The following OXSR1 variants were observed in gnomAD, a reference collection of about 807,000 sequenced individuals.
The protein encoded by OXSR1 is serine/threonine-protein kinase OSR1.
In OXSR1, 24 loss-of-function variants were observed where a neutral mutation model predicts 79.8. The ratio of observed to expected loss-of-function variants is 0.30; its 90% CI spans 0.22 to 0.42. The LOEUF (loss-of-function observed/expected upper bound fraction) is 0.42, where lower values mean the gene tolerates loss of function less well. OXSR1 is among the 10% of genes least tolerant of loss of function. The pLI, the probability that OXSR1 is intolerant of heterozygous loss-of-function variation, is 1.00. For synonymous variants in OXSR1, 226 were observed against 209.2 expected (o/e 1.08, Z -0.69); for missense variants, 430 against 618.4 (o/e 0.70, Z 3.23).
At chr3:38,226,205 A>C (rs1323377613) in intron 8 of OXSR1, among the ~76,000 whole-genome samples, 3 of 152,102 alleles carry the variant, frequency 2.0e-5, no homozygotes, top group Non-Finnish European at 4.4e-5. Flanking sequence ...ATAAGGTCAC[A>C]ATCCAAAATT....
chr3:38,240,081 A>G (rs775091658), intron 11 of OXSR1, among the ~76,000 whole-genome samples: 5 of 152,222 alleles, frequency 3.3e-5, no homozygotes, highest in African/African-American at 4.8e-5. Context: ...GTCTACAATT[A>G]TATTTTAAGT....
At chr3:38,228,746 G>A (rs1013800105) in intron 8 of OXSR1, among the ~76,000 whole-genome samples, 1 of 152,030 alleles carries the variant, frequency 6.6e-6, no homozygotes, top group East Asian at 1.9e-4. Context: ...AATTTTTGTG[G>A]TTTTTTTAGC....
chr3:38,195,570 C>G (rs900982911), intron 3 of OXSR1, among the ~76,000 whole-genome samples: 19 of 152,092 alleles, frequency 1.2e-4, no homozygotes, highest in Non-Finnish European at 2.9e-5. Flanking sequence ...TTAAAACTTC[C>G]TAGTAGAGAT....
chr3:38,213,889 T>A lies in OXSR1; in HGVS notation c.435-2207T>A, dbSNP rs188185108. On this transcript the variant is annotated intron_variant, in intron 4 of 17. Coordinates refer to ENST00000311806, the MANE Select transcript of OXSR1 (RefSeq NM_005109.3). ...TTTAAAGAAAATACAAATGGCCACATACTTTATTTAGCATTCATTTTTCCC... is the reference window on the plus strand; with the variant it reads ...TTTAAAGAAAATACAAATGGCCACAAACTTTATTTAGCATTCATTTTTCCC... Among the ~76,000 whole-genome samples the A allele has an allele frequency of 2.3e-3, 348 of 152,364 alleles. 4 individuals carry two copies. The highest frequency in any genetic ancestry group is 7.9e-3 in the African/African-American group (327 of 41,590).
chr3:38,205,109 A>G (rs983336515), intron 4 of OXSR1, among the ~76,000 whole-genome samples: 7 of 152,020 alleles, frequency 4.6e-5, no homozygotes, highest in Admixed American at 1.3e-4. Context: ...CTGAGTTCCA[A>G]TGCAAGCACA....
chr3:38,235,740 A>C (rs762274704), intron 10 of OXSR1, among the ~76,000 whole-genome samples: 1 of 152,250 alleles, frequency 6.6e-6, no homozygotes, highest in Non-Finnish European at 1.5e-5. Context: ...GTTTTCTTCA[A>C]AGGTATGAAA....
intron 1 of OXSR1, among the ~76,000 whole-genome samples, chr3:38,170,054 T>A (rs181725775): frequency 4.7e-5 from 7 of 149,588 alleles, no homozygotes; most frequent in Admixed American, 4.3e-4. Flanking sequence ...ATTATTATTA[T>A]TTTTTTTTGA....
At chr3:38,243,003 GTTAT>G (rs34493594) in intron 12 of OXSR1, among the ~76,000 whole-genome samples, 7,394 of 146,218 alleles carry the variant, frequency 0.051, 186 homozygotes, top group Middle Eastern at 0.12. Context: ...GAAGTGAAAA[GTTAT>G]TTATTTATTT....
intron 7 of OXSR1, among the ~76,000 whole-genome samples, chr3:38,224,300 T>G (rs1197988246): frequency 1.3e-5 from 2 of 152,246 alleles, no homozygotes; most frequent in Non-Finnish European, 2.9e-5. Context: ...GTTTCATCCA[T>G]GTTGTAGCAT....
chr3:38,203,233 G>A (rs1702200550), intron 4 of OXSR1, among the ~76,000 whole-genome samples: 1 of 152,114 alleles, frequency 6.6e-6, no homozygotes, highest in East Asian at 1.9e-4. Flanking sequence ...AAAGGGAAGG[G>A]CCCCCTGTCC....
In OXSR1 at chr3:38,166,993, A is replaced by G. The variant is rs113597202; in HGVS notation, c.70+1047A>G. Among the ~76,000 whole-genome samples, 379 of 152,238 alleles carry G rather than the reference A, an allele frequency of 2.5e-3. 4 individuals carry two copies. The highest frequency in any genetic ancestry group is 7.8e-3 in the African/African-American group (326 of 41,536). On this transcript the variant is annotated intron_variant, in intron 1 of 17. Coordinates refer to ENST00000311806, the MANE Select transcript of OXSR1 (RefSeq NM_005109.3). ...AAGAGCCTCGGGAAGATTTTTCCTT[A>G]CAGAGGGATATAGAGATGCAGTGGC...
At chr3:38,229,634 A>G in intron 8 of OXSR1, 53 bp from the exon 9 acceptor site, 1 of 1,470,728 alleles carries the variant, frequency 6.8e-7, no homozygotes, top group Admixed American at 1.8e-5. Flanking sequence ...GGAATCTGAC[A>G]TTACACTTGA....
intron 1 of OXSR1, among the ~76,000 whole-genome samples, chr3:38,179,240 G>A (rs922110422): frequency 5.3e-5 from 8 of 152,010 alleles, no homozygotes; most frequent in Admixed American, 2.0e-4. Flanking sequence ...ATATTGCCCA[G>A]GCTGATCTTG....
At chr3:38,209,857 C>T (rs1049540193) in intron 4 of OXSR1, among the ~76,000 whole-genome samples, 3 of 151,746 alleles carry the variant, frequency 2.0e-5, no homozygotes, top group Non-Finnish European at 4.4e-5. Flanking sequence ...CTCCTGACCT[C>T]GTGATCCACC....
chr3:38,202,697 A>G (rs1416820704), intron 4 of OXSR1, among the ~76,000 whole-genome samples: 1 of 152,248 alleles, frequency 6.6e-6, no homozygotes, highest in Admixed American at 6.5e-5. Context: ...AACATTATTA[A>G]TCATTAGCTT....
chr3:38,172,877 G>A (rs1701608335), intron 1 of OXSR1, among the ~76,000 whole-genome samples: 1 of 152,200 alleles, frequency 6.6e-6, no homozygotes, highest in Admixed American at 6.5e-5. Context: ...GACTGGAGGT[G>A]GCAGCCTAGG....
chr3:38,239,876 T>C (rs1468750880), intron 11 of OXSR1, among the ~76,000 whole-genome samples: 3 of 152,188 alleles, frequency 2.0e-5, no homozygotes. Flanking sequence ...CTTGGAAGCT[T>C]TCAAGGCAGT....
intron 4 of OXSR1, among the ~76,000 whole-genome samples, chr3:38,209,826 G>A (rs114932762): frequency 0.011 from 1,721 of 151,906 alleles, 18 homozygotes; most frequent in Non-Finnish European, 0.018. Flanking sequence ...GGTTTCACCC[G>A]TTAGCCAGGA....
chr3:38,250,227 T>G (rs543163361), intron 15 of OXSR1: 90 of 524,408 alleles, frequency 1.7e-4, no homozygotes, highest in Non-Finnish European at 2.1e-4. Flanking sequence ...CAAACAGTAA[T>G]AAATATATGA....
Sources: allele counts gnomAD v4.1 joint callset (sites outside exome capture counted in the v4.1 genomes callset), GRCh38; gene constraint gnomAD v4.1.1; transcripts MANE v1.5; gene names NCBI Gene and HGNC (gene_info 2026-07-23, HGNC 2026-07-21).